ANKRD33B: variants seen among roughly 807,000 people sequenced by gnomAD.
ANKRD33B encodes ankyrin repeat domain-containing protein 33B.
Under a neutral mutation model 21.5 loss-of-function variants are expected in ANKRD33B, and 6 were observed. The ratio of observed to expected loss-of-function variants is 0.28; its 90% CI spans 0.15 to 0.55. ANKRD33B has a LOEUF of 0.55. Ranked by LOEUF, ANKRD33B falls within the 20% of genes least tolerant of loss-of-function variation. The probability of loss-of-function intolerance (pLI) is 0.94; values close to 1 mark genes in which losing one functional copy is unlikely to be tolerated. For synonymous variants in ANKRD33B, 347 were observed against 342.4 expected, an observed-to-expected ratio of 1.01 and a Z score of -0.15; for missense variants, 698 against 747.2, an observed-to-expected ratio of 0.93 and a Z score of 0.77.
Position 10,576,849 on chromosome 5 carries a change from G to A in ANKRD33B, c.366+12016G>A, listed in dbSNP as rs1286522153. 1.3e-5 allele frequency among the ~76,000 whole-genome samples: 2 copies of A among 152,244 alleles called. No individual in the cohort carries two copies. The highest frequency in any genetic ancestry group is 2.9e-5 in the Non-Finnish European group (2 of 68,040). The stretch of plus-strand genomic sequence containing the variant: ...TAAAAGTGGCAGCCAGTGCCATGGG[G>A]AGAAGCCCAGAAGAGAGCAGAGGAG... On this transcript the variant is annotated intron_variant, in intron 1 of 3. Coordinates refer to ENST00000296657, the MANE Select transcript of ANKRD33B (RefSeq NM_001164440.2). This position sits in a 1 kb window ranked among gnomAD's most constrained non-coding sequence, Gnocchi z 4.1.
chr5:10,649,269 C>A lies in ANKRD33B; in HGVS notation c.641C>A (p.Ala214Glu). 1 of 1,520,120 alleles carries A rather than the reference C, an allele frequency of 6.6e-7. No individual in the cohort carries two copies. The highest frequency in any genetic ancestry group is 8.8e-7 in the Non-Finnish European group (1 of 1,136,022). 94.2% of individuals were successfully genotyped at this position (1,520,120 alleles called of 1,614,324 possible). A position where few individuals can be genotyped will look rare whatever the true frequency, so the allele number is the denominator to read the frequency against. ...GTTTGTGTTTTGCGTTTTGCAGGGG[C>A]GGATGTCCACGCGAGGGACCCCCGC... ...DCIRALMLAG[A>E]DVHARDPRRG... Residue 214 changes from alanine to glutamate, a missense_variant, in exon 4 of 4, where the codon GCG (alanine) becomes GAG (glutamate). This residue lies in a region of ANKRD33B where 543 missense variants were observed against 566.5 expected (regional missense o/e 0.96). Coordinates refer to ENST00000296657, the MANE Select transcript of ANKRD33B (RefSeq NM_001164440.2).
intron 3 of ANKRD33B, among the ~76,000 whole-genome samples, chr5:10,640,480 A>G (rs1045433903): frequency 6.6e-6 from 1 of 152,064 alleles, no homozygotes; most frequent in Non-Finnish European, 1.5e-5. Context: ...TCTTTTCTTC[A>G]CTCTGAAATA....
At position 10,649,489 on chromosome 5, in the gene ANKRD33B, G is replaced by C. The variant is rs60779468; in HGVS notation, c.861G>C (p.Val287=). ...KNCLQRLTDC[V]LSVLTPRSVR... ...GCCTGCAGAGGCTCACAGACTGCGTGCTGTCCGTGCTGACGCCGCGCTCCG... is the reference window on the plus strand; with the variant it reads ...GCCTGCAGAGGCTCACAGACTGCGTCCTGTCCGTGCTGACGCCGCGCTCCG... Residue 287 remains valine, a synonymous_variant, in exon 4 of 4, where the codon GTG becomes GTC. Coordinates refer to ENST00000296657, the MANE Select transcript of ANKRD33B (RefSeq NM_001164440.2). 4.1e-3 allele frequency: 6,218 copies of C among 1,535,078 alleles called. 222 individuals carry two copies. In the African/African-American group the frequency reaches 0.074, roughly 18 times the overall value.
chr5:10,583,785 A>G (rs188990292), intron 1 of ANKRD33B, among the ~76,000 whole-genome samples: 60 of 152,358 alleles, frequency 3.9e-4, no homozygotes, highest in Admixed American at 3.7e-3. Context: ...CTATTCTGTA[A>G]GATGGAAAAT....
chr5:10,649,038 C>T (rs1737253675), intron 3 of ANKRD33B, among the ~76,000 whole-genome samples: 3 of 152,184 alleles, frequency 2.0e-5, no homozygotes, highest in African/African-American at 7.2e-5. Flanking sequence ...GCTTGAGCCC[C>T]GGAAGTCGAG....
chr5:10,605,481 A>C (rs1422147797), intron 1 of ANKRD33B, among the ~76,000 whole-genome samples: 1 of 151,826 alleles, frequency 6.6e-6, no homozygotes, highest in Non-Finnish European at 1.5e-5. Flanking sequence ...GTTGTAATTC[A>C]TCCCCTGCAT....
chr5:10,618,569 C>A (rs13169304), intron 2 of ANKRD33B, 107 bp downstream of exon 2: 127,046 of 1,392,204 alleles, frequency 0.091, 6,466 homozygotes, highest in Middle Eastern at 0.11. Context: ...GATCAGAGAC[C>A]ATGTCCTGCT....
intron 1 of ANKRD33B, among the ~76,000 whole-genome samples, chr5:10,609,389 C>A (rs1156635750): frequency 6.6e-6 from 1 of 151,794 alleles, no homozygotes; most frequent in Non-Finnish European, 1.5e-5. Context: ...ACCATCTCTA[C>A]AAAAATACAA....
chr5:10,602,173 A>T (rs1362057031), intron 1 of ANKRD33B, among the ~76,000 whole-genome samples: 1 of 152,202 alleles, frequency 6.6e-6, no homozygotes, highest in Non-Finnish European at 1.5e-5. Flanking sequence ...GGGTGTAGAG[A>T]TAACACCACC....
Position 10,649,991 on chromosome 5 carries a change from A to T in ANKRD33B, c.1363A>T (p.Ile455Phe). ...GSTKDSGHLQ[I>F]PKWRYKEAKE... ...CACCAAGGACAGCGGCCACCTGCAG[A>T]TCCCCAAGTGGCGGTACAAGGAGGC... is the stretch of plus-strand genomic sequence containing the variant. The change falls in exon 4 of 4, where the codon ATC becomes TTC. Residue 455 changes from isoleucine to phenylalanine, a missense_variant. Coordinates refer to ENST00000296657, the MANE Select transcript of ANKRD33B (RefSeq NM_001164440.2). 2 of 1,533,632 alleles carry T rather than the reference A, an allele frequency of 1.3e-6. No individual in the cohort carries two copies. Among genetic ancestry groups the T allele is most frequent in the South Asian group, 2.4e-5 (2 of 83,892 alleles).
At chr5:10,632,361 C>T (rs1333583168) in intron 2 of ANKRD33B, among the ~76,000 whole-genome samples, 1 of 152,190 alleles carries the variant, frequency 6.6e-6, no homozygotes, top group Non-Finnish European at 1.5e-5. Flanking sequence ...CCGGGAAGCA[C>T]AGGAGCACTG....
At chr5:10,620,285 G>A (rs1372046960) in intron 2 of ANKRD33B, among the ~76,000 whole-genome samples, 1 of 152,068 alleles carries the variant, frequency 6.6e-6, no homozygotes, top group Non-Finnish European at 1.5e-5. Context: ...TGGGCTTTGG[G>A]ACAGGGGATA....
intron 2 of ANKRD33B, among the ~76,000 whole-genome samples, chr5:10,622,019 A>G (rs186107910): frequency 5.3e-5 from 8 of 152,334 alleles, no homozygotes; most frequent in Admixed American, 5.2e-4. Context: ...AAACAGGAGG[A>G]GGAGCCTCCA....
chr5:10,590,261 G>C (rs934214226), intron 1 of ANKRD33B, among the ~76,000 whole-genome samples: 3 of 152,172 alleles, frequency 2.0e-5, no homozygotes, highest in Admixed American at 6.5e-5. Flanking sequence ...TTTTTGGAAT[G>C]CTAGACATTG....
chr5:10,565,567 C>T (rs191126614), intron 1 of ANKRD33B, among the ~76,000 whole-genome samples: 1 of 152,320 alleles, frequency 6.6e-6, no homozygotes, highest in East Asian at 1.9e-4. Context: ...GGGCAGGAGG[C>T]GTGGAGGCAG....
chr5:10,591,046 C>T (rs1735673761), intron 1 of ANKRD33B, among the ~76,000 whole-genome samples: 1 of 152,088 alleles, frequency 6.6e-6, no homozygotes, highest in Non-Finnish European at 1.5e-5. Flanking sequence ...TGCCTTTTTA[C>T]TTTCTTTACA....
chr5:10,573,254 G>A (rs1735241035), intron 1 of ANKRD33B, among the ~76,000 whole-genome samples: 1 of 151,944 alleles, frequency 6.6e-6, no homozygotes, highest in Non-Finnish European at 1.5e-5. Context: ...AGATAACGAG[G>A]TCAGGAAATG....
intron 1 of ANKRD33B, among the ~76,000 whole-genome samples, chr5:10,578,506 C>T (rs911882038): frequency 1.3e-5 from 2 of 152,232 alleles, no homozygotes; most frequent in African/African-American, 2.4e-5. Context: ...GGGCAGGACC[C>T]GCATGGGGAC....
intron 2 of ANKRD33B, among the ~76,000 whole-genome samples, chr5:10,637,811 CA>C (rs1736907793): frequency 6.6e-6 from 1 of 152,128 alleles, no homozygotes; most frequent in Non-Finnish European, 1.5e-5. Context: ...TGCAAGAACC[CA>C]AAACAGCAGC....
Sources: gnomAD v4.1 joint callset for allele counts (sites outside exome capture counted in the v4.1 genomes callset) on GRCh38, gnomAD v4.1.1 for gene constraint, gnomAD v4.1.1 regional missense constraint, Gnocchi (gnomAD v3.1) non-coding constraint, MANE v1.5 for transcripts, NCBI Gene and HGNC (gene_info 2026-07-23, HGNC 2026-07-21) for gene names.